Variants in GRHL3 observed in about 807,000 individuals in gnomAD.
GRHL3 encodes grainyhead-like protein 3 homolog.
In GRHL3, 20 loss-of-function variants were observed where a neutral mutation model predicts 70.3. That is an observed-to-expected ratio of 0.28 (90% confidence interval 0.20 to 0.41). The LOEUF (loss-of-function observed/expected upper bound fraction) is 0.41, where lower values mean the gene tolerates loss of function less well. GRHL3 is among the 10% of genes least tolerant of loss of function. GRHL3 has a pLI of 1.00. For missense variants in GRHL3, 637 were observed against 762.3 expected (o/e 0.84, Z 1.94); for synonymous variants, 299 against 299.9 (o/e 1.00, Z 0.03).
downstream of GRHL3, among the ~76,000 whole-genome samples, chr1:24,360,161 C>G (rs1454767167): frequency 6.6e-6 from 1 of 152,208 alleles, no homozygotes; most frequent in Non-Finnish European, 1.5e-5. Flanking sequence ...AAGAACTTTT[C>G]TGGCTGGGCA....
At chr1:24,345,046 TCCACACCTGTGC>T (rs1640205691) in intron 12 of GRHL3, 115 bp downstream of exon 12, 6 of 601,128 alleles carry the variant, frequency 1.0e-5, no homozygotes, top group Non-Finnish European at 1.0e-5. Context: ...CTGTGCCCCC[TCCACACCTGTGC>T]CCCTCCACAC....
intron 14 of GRHL3, 110 bp downstream of exon 14, chr1:24,347,663 G>A (rs1640344657): frequency 2.2e-6 from 2 of 894,010 alleles, no homozygotes; most frequent in Admixed American, 1.9e-5. Context: ...TGGCATGCCG[G>A]TGGCCTACCC....
At chr1:24,358,631 C>T (rs1256925185), downstream of GRHL3, 1 of 1,605,766 alleles carries the variant, frequency 6.2e-7, no homozygotes, top group Admixed American at 1.7e-5. Context: ...TGTGAGGGGA[C>T]AGAGAGGCGG....
chr1:24,355,151 C>T lies in GRHL3; in HGVS notation c.*663C>T, dbSNP rs10903080. On this transcript the variant is annotated 3_prime_UTR_variant, in exon 16 of 16. Transcript: ENST00000361548. ...TTTGTTATATATATATATAAATATA[C>T]TGTATATATATGCAACATTTTATAT... is the stretch of plus-strand genomic sequence containing the variant. The T allele has an allele frequency of 0.26, 38,989 of 151,946 alleles. 6,883 individuals carry two copies. Among genetic ancestry groups the T allele is most frequent in the African/African-American group, 0.51 (20,850 of 41,258 alleles). 9.4% of individuals were successfully genotyped at this position (151,946 alleles called of 1,614,324 possible).
intron 3 of GRHL3, among the ~76,000 whole-genome samples, chr1:24,335,886 A>G (rs1434724594): frequency 5.9e-5 from 9 of 152,184 alleles, no homozygotes; most frequent in Admixed American, 4.6e-4. Flanking sequence ...CCTGCCACTC[A>G]AAACTAATTT....
In GRHL3 at chr1:24,331,369, C is replaced by A. The variant is rs1025541845; in HGVS notation, c.18-57C>A. 4 of 1,486,256 alleles carry A rather than the reference C, an allele frequency of 2.7e-6. No individual in the cohort carries two copies. In the African/African-American group the frequency reaches 4.2e-5, roughly 16 times the overall value. 92.1% of individuals were successfully genotyped at this position (1,486,256 alleles called of 1,614,324 possible). ...TCCTGGGCGTTGGCCTGCGGCTGCC[C>A]ATTCACGGACCTTCCTCTGGGATAG... is the stretch of plus-strand genomic sequence containing the variant. On this transcript the variant is annotated intron_variant, in intron 1 of 15. Transcript: ENST00000361548.
chr1:24,351,967 A>G (rs1640530470), intron 15 of GRHL3, among the ~76,000 whole-genome samples: 1 of 152,156 alleles, frequency 6.6e-6, no homozygotes, highest in Non-Finnish European at 1.5e-5. Flanking sequence ...AAGCCTGTAC[A>G]GGCATCCACT....
intron 15 of GRHL3, among the ~76,000 whole-genome samples, chr1:24,352,487 G>A (rs1181522911): frequency 2.0e-5 from 3 of 152,154 alleles, no homozygotes; most frequent in Admixed American, 1.3e-4. Context: ...TCAGGGGCCC[G>A]CTGTCATTAA....
In GRHL3 at chr1:24,342,075, C is replaced by T. The variant is rs771069804; in HGVS notation, c.1048-40C>T. 9.2e-6 allele frequency: 14 copies of T among 1,515,618 alleles called. No homozygotes were observed. Among genetic ancestry groups the T allele is most frequent in the Non-Finnish European group, 1.2e-5 (14 of 1,126,206 alleles). 93.9% of individuals were successfully genotyped at this position (1,515,618 alleles called of 1,614,324 possible). ...ACTGTGGGACGGTGGGGCTGGCCAC[C>T]TGGGCAGGCCACTTACCCAGCGGCC... On this transcript the variant is annotated intron_variant, in intron 8 of 15. Coordinates refer to ENST00000361548, the MANE Select transcript of GRHL3 (RefSeq NM_198173.3). The surrounding 1 kb of genome is among the most constrained non-coding windows in gnomAD (Gnocchi z 4.8).
chr1:24,323,984 C>G (rs922322071), intron 1 of GRHL3, among the ~76,000 whole-genome samples: 2 of 152,140 alleles, frequency 1.3e-5, no homozygotes, highest in Admixed American at 1.3e-4. Context: ...CTTTTTTGTC[C>G]TCAGCACCCA....
chr1:24,363,833 G>A (rs1641278731), intron 15 of GRHL3, among the ~76,000 whole-genome samples: 1 of 152,174 alleles, frequency 6.6e-6, no homozygotes, highest in Non-Finnish European at 1.5e-5. Flanking sequence ...CAAAAGCATG[G>A]AATGGGGAAA....
Position 24,342,362 on chromosome 1 carries a change from T to C in GRHL3, c.1206+89T>C. ...GTGCGTCCTCCTAGCTTCTCTGGGT[T>C]GTCTGTCTCTCTCTGTTTTTCTATC... On this transcript the variant is annotated intron_variant, in intron 9 of 15. Transcript: ENST00000361548. This position sits in a 1 kb window ranked among gnomAD's most constrained non-coding sequence, Gnocchi z 4.8. The C allele has an allele frequency of 8.9e-7, 1 of 1,127,194 alleles. No homozygotes were observed. Among genetic ancestry groups the C allele is most frequent in the Non-Finnish European group, 1.3e-6 (1 of 783,560 alleles). 69.8% of individuals were successfully genotyped at this position (1,127,194 alleles called of 1,614,324 possible). A position where few individuals can be genotyped will look rare whatever the true frequency, so the allele number is the denominator to read the frequency against.
At chr1:24,330,175 T>C (rs1474727011) in intron 1 of GRHL3, among the ~76,000 whole-genome samples, 2 of 152,242 alleles carry the variant, frequency 1.3e-5, no homozygotes, top group Non-Finnish European at 2.9e-5. Flanking sequence ...ATCAGGATAA[T>C]TGCCATATTT....
chr1:24,337,834 G>C (rs766150275), intron 6 of GRHL3, 45 bp downstream of exon 6: 1 of 1,612,474 alleles, frequency 6.2e-7, no homozygotes, highest in Admixed American at 1.7e-5. Flanking sequence ...AATGGGGCAA[G>C]ATATACCTCC....
chr1:24,364,289 G>A, exon 16 of GRHL3: 1 of 1,549,730 alleles, frequency 6.5e-7, no homozygotes, highest in South Asian at 1.2e-5. Context: ...TTTGGAGATG[G>A]ATTTTGGAGG....
At chr1:24,351,601 C>T (rs982103404) in intron 15 of GRHL3, among the ~76,000 whole-genome samples, 98 of 151,184 alleles carry the variant, frequency 6.5e-4, no homozygotes, top group African/African-American at 2.2e-3. Flanking sequence ...CCCCTGGCTC[C>T]AGCCCCACCT....
In GRHL3 at chr1:24,342,329, C is replaced by T; in HGVS notation, c.1206+56C>T. 1 of 1,457,106 alleles carries T rather than the reference C, an allele frequency of 6.9e-7. No individual in the cohort carries two copies. Among genetic ancestry groups the T allele is most frequent in the South Asian group, 1.3e-5 (1 of 77,170 alleles). 90.3% of individuals were successfully genotyped at this position (1,457,106 alleles called of 1,614,324 possible). A position where few individuals can be genotyped will look rare whatever the true frequency, so the allele number is the denominator to read the frequency against. ...TCCCGGGGAGGTAGAAGGGCCAAAC[C>T]CTGACCCGTGCGTCCTCCTAGCTTC... On this transcript the variant is annotated intron_variant, in intron 9 of 15. Transcript: ENST00000361548. The surrounding 1 kb of genome is among the most constrained non-coding windows in gnomAD (Gnocchi z 4.8).
rs1639870172 is a variant in GRHL3, at chr1:24,337,559, G to A, written c.687-77G>A. The stretch of plus-strand genomic sequence containing the variant: ...CAGCAAGTCTGTAACATAGCCTCAG[G>A]CTTCCTGCCCCACTGCCCTCTAGGA... On this transcript the variant is annotated intron_variant, in intron 5 of 15. Transcript: ENST00000361548. 5 of 1,466,422 alleles carry A rather than the reference G, an allele frequency of 3.4e-6. No individual in the cohort carries two copies. In the South Asian group the frequency reaches 6.1e-5, roughly 18 times the overall value. 90.8% of individuals were successfully genotyped at this position (1,466,422 alleles called of 1,614,324 possible). A position where few individuals can be genotyped will look rare whatever the true frequency, so the allele number is the denominator to read the frequency against.
downstream of GRHL3, among the ~76,000 whole-genome samples, chr1:24,359,953 G>A (rs759331890): frequency 6.6e-6 from 1 of 152,050 alleles, no homozygotes; most frequent in Non-Finnish European, 1.5e-5. The surrounding 1 kb of genome is among the most constrained non-coding windows in gnomAD (Gnocchi z 5.3). Flanking sequence ...AGAGTGTGGC[G>A]CTAGAAGGTT....
Sources: gnomAD v4.1 joint callset for allele counts (sites outside exome capture counted in the v4.1 genomes callset) on GRCh38, gnomAD v4.1.1 for gene constraint, Gnocchi (gnomAD v3.1) non-coding constraint, MANE v1.5 for transcripts, NCBI Gene and HGNC (gene_info 2026-07-23, HGNC 2026-07-21) for gene names.